Variants in EOLA2 observed in about 807,000 individuals in gnomAD.
EOLA2 encodes protein EOLA2.
Under a neutral mutation model 4.1 loss-of-function variants are expected in EOLA2, and 3 were observed. That is an observed-to-expected ratio of 0.73 (90% CI 0.33 to 1.89). EOLA2 has a LOEUF of 1.89. EOLA2 is among the 40% of genes most tolerant of loss of function. The pLI is 0.08. For missense variants in EOLA2, 109 were observed against 126.4 expected (o/e 0.86, Z 0.66); for synonymous variants, 52 against 51.7 (o/e 1.01, Z -0.03).
In EOLA2 at chrX:149,933,703, C is replaced by T; in HGVS notation, c.172G>A (p.Val58Met). The T allele has an allele frequency of 2.5e-6, 3 of 1,207,955 alleles. No individual in the cohort carries two copies. The highest frequency in any genetic ancestry group is 2.2e-6 in the Non-Finnish European group (2 of 894,871). ...GCAGGAGTCATCCCGAGTCTCTCCA[C>T]CAGCAGCTCCCGACAGGCATCGCCT... ...WEGDACRELLVERLGMTPAQI... is the reference protein window; with the variant it reads ...WEGDACRELLMERLGMTPAQI... Residue 58 changes from valine to methionine, a missense_variant, in exon 4 of 5, where the codon GTG (valine) becomes ATG (methionine). Val to Met is a conservative substitution (Grantham distance 21). Coordinates refer to ENST00000370406, the MANE Select transcript of EOLA2 (RefSeq NM_001013845.2).
Position 149,932,741 on chromosome X carries a change from G to A in EOLA2, c.280C>T (p.Gln94Ter). The change falls in exon 5 of 5, where the codon CAA becomes TAA. Residue 94 changes from glutamine to a stop codon, truncating the protein, a stop_gained. Coordinates refer to ENST00000370406, the MANE Select transcript of EOLA2 (RefSeq NM_001013845.2). LOFTEE classifies it low-confidence loss of function (END_TRUNC). ...TCGGGAGTTAAGTCTTCGGGGCATT[G>A]CAAAGTTTCCCCAATGTCAACGAGT... ...AGLVDIGETL[Q>*]CPEDLTPDEV... The A allele has an allele frequency of 8.3e-7, 1 of 1,204,496 alleles. No homozygotes were observed. Among genetic ancestry groups the A allele is most frequent in the Non-Finnish European group, 1.1e-6 (1 of 892,988 alleles).
chrX:149,933,809 A>G lies in EOLA2; in HGVS notation c.66T>C (p.Thr22=). ...YAGFVLNGIK[T]VETRWRPLLS... ...GCAGAGGACGCCAGCGCGTCTCCAC[A>G]GTCTTGATTCCATTTAAGACAAAGC... The change falls in exon 4 of 5, where the codon ACT becomes ACC. Residue 22 remains threonine (T), a synonymous_variant. Transcript: ENST00000370406. 2.5e-6 allele frequency: 3 copies of G among 1,206,242 alleles called. No individual in the cohort carries two copies. Among genetic ancestry groups the G allele is most frequent in the South Asian group, 1.8e-5 (1 of 56,521 alleles).
At chrX:149,934,939 G>C (rs1195746028) in intron 2 of EOLA2, among the ~76,000 whole-genome samples, 3 of 112,245 alleles carry the variant, frequency 2.7e-5, no homozygotes, top group Non-Finnish European at 5.6e-5. Context: ...CTGTGAGGAA[G>C]GGAGATAAGG....
At chrX:149,934,295 C>T (rs782294937) in intron 2 of EOLA2, 158 bp from the exon 3 acceptor site, 13 of 653,571 alleles carry the variant, frequency 2.0e-5, no homozygotes, top group African/African-American at 4.7e-5. Flanking sequence ...GACAGTCCCA[C>T]GCTCTGCTTC....
Position 149,932,780 on chromosome X carries a change from A to G in EOLA2, c.254-13T>C. On this transcript the variant is annotated splice_polypyrimidine_tract_variant and intron_variant, in intron 4 of 4. Coordinates refer to ENST00000370406, the MANE Select transcript of EOLA2 (RefSeq NM_001013845.2). Reference sequence around the variant, plus strand: ...ATGTCAACGAGTCCTGTACACAAAGAGAGATACACATGAATGCCTTTCACT... The same window carrying G: ...ATGTCAACGAGTCCTGTACACAAAGGGAGATACACATGAATGCCTTTCACT... The G allele has an allele frequency of 8.4e-7, 1 of 1,183,520 alleles. No homozygotes were observed. Among genetic ancestry groups the G allele is most frequent in the Non-Finnish European group, 1.1e-6 (1 of 881,039 alleles).
chrX:149,934,499 G>A (rs2090944990), intron 2 of EOLA2: 1 of 753,361 alleles, frequency 1.3e-6, no homozygotes, highest in East Asian at 1.5e-4. Flanking sequence ...CCACCCCTCT[G>A]GGTGCCACCT....
At position 149,933,799 on chromosome X, in the gene EOLA2, G is replaced by A. The variant is rs782405461; in HGVS notation, c.76C>T (p.Arg26Cys). 3.3e-6 allele frequency: 4 copies of A among 1,203,568 alleles called. No homozygotes were observed. The highest frequency in any genetic ancestry group is 2.2e-5 in the Admixed American group (1 of 45,870). ...TGGCTGCTCAGCAGAGGACGCCAGC[G>A]CGTCTCCACAGTCTTGATTCCATTT... ...VLNGIKTVET[R>C]WRPLLSSQRN... Residue 26 changes from arginine to cysteine, a missense_variant, in exon 4 of 5, where the codon CGC becomes TGC. Arg to Cys is a radical substitution (Grantham distance 180). Transcript: ENST00000370406.
chrX:149,934,088 A>G lies in EOLA2; in HGVS notation c.-113T>C. On this transcript the variant is annotated 5_prime_UTR_variant, in exon 3 of 5. It removes the in-frame stop codon of an upstream open reading frame in the 5' UTR. Transcript: ENST00000370406. ...GAAGGGGCTAGGATTCGGCTGACTC[A>G]GGTCCATCCCATGGAGTCTTTGGGG... is the stretch of plus-strand genomic sequence containing the variant. The G allele has an allele frequency of 9.3e-7, 1 of 1,075,299 alleles. No individual in the cohort carries two copies. Among genetic ancestry groups the G allele is most frequent in the Admixed American group, 3.9e-5 (1 of 25,743 alleles). The allele number at this position is 1,075,299 out of a possible 1,213,427, so 88.6% of individuals were successfully genotyped here.
chrX:149,937,792 A>G (rs1204937297), intron 1 of EOLA2, among the ~76,000 whole-genome samples: 2 of 112,774 alleles, frequency 1.8e-5, no homozygotes, highest in Admixed American at 1.9e-4. Flanking sequence ...TTCCCCTCCC[A>G]TTGTCATCGG....
At position 149,932,694 on chromosome X, in the gene EOLA2, A is replaced by T; in HGVS notation, c.327T>A (p.Asn109Lys). 1 of 1,207,864 alleles carries T rather than the reference A, an allele frequency of 8.3e-7. No individual in the cohort carries two copies. The highest frequency in any genetic ancestry group is 1.8e-5 in the African/African-American group (1 of 55,963). ...LTPDEVVELE[N>K]QAALTNLKQK... The stretch of plus-strand genomic sequence containing the variant: ...GCTTCAGGTTGGTCAGTGCAGCTTG[A>T]TTTTCTAGTTCCACAACCTCATCGG... The change falls in exon 5 of 5, where the codon AAT becomes AAA. Residue 109 changes from asparagine (N) to lysine (K), a missense_variant. Asn to Lys is a moderately conservative substitution (Grantham distance 94, BLOSUM62 0). Coordinates refer to ENST00000370406, the MANE Select transcript of EOLA2 (RefSeq NM_001013845.2).
chrX:149,937,101 C>A, intron 2 of EOLA2, among the ~76,000 whole-genome samples: 1 of 109,308 alleles, frequency 9.1e-6, no homozygotes, highest in Non-Finnish European at 1.9e-5. Flanking sequence ...CTCCACCAAC[C>A]CATCCATGGT....
In EOLA2 at chrX:149,933,850, G is replaced by A. The variant is rs781787334; in HGVS notation, c.25C>T (p.Arg9Trp). 8 of 1,201,808 alleles carry A rather than the reference G, an allele frequency of 6.7e-6. No homozygotes were observed. The South Asian group carries it at 7.1e-5, about 11-fold the overall frequency. MKFGCLSFRQPYAGFVLNG... is the reference protein window; with the variant it reads MKFGCLSFWQPYAGFVLNG... ...AAGACAAAGCCAGCATAAGGCTGCCGGAAGGAGAGGCAGCCAAACTTCATC... is the reference window on the plus strand; with the variant it reads ...AAGACAAAGCCAGCATAAGGCTGCCAGAAGGAGAGGCAGCCAAACTTCATC... The change falls in exon 4 of 5, where the codon CGG becomes TGG. Residue 9 changes from arginine to tryptophan, a missense_variant. By Grantham distance (101) the Arg-to-Trp change is moderately radical (BLOSUM62 -3). Transcript: ENST00000370406.
At chrX:149,930,832 C>T, downstream of EOLA2, 1 of 770,406 alleles carries the variant, frequency 1.3e-6, no homozygotes, top group Non-Finnish European at 1.6e-6. Flanking sequence ...CCTTCAGGCG[C>T]TCTGGCATGT....
chrX:149,934,868 G>C (rs2090954220), intron 2 of EOLA2, among the ~76,000 whole-genome samples: 1 of 112,400 alleles, frequency 8.9e-6, no homozygotes, highest in Non-Finnish European at 1.9e-5. Context: ...AGGAACCCTG[G>C]GCTTGAAACC....
chrX:149,933,077 C>A (rs2090906211), intron 4 of EOLA2, among the ~76,000 whole-genome samples: 1 of 106,998 alleles, frequency 9.3e-6, no homozygotes, highest in Admixed American at 9.9e-5. Context: ...ATTGGAAGGG[C>A]ACCAGCCACT....
Position 149,932,557 on chromosome X carries a change from C to T in EOLA2, c.464G>A (p.Gly155Glu), listed in dbSNP as rs62612596. 8.8e-3 allele frequency: 10,541 copies of T among 1,202,787 alleles called. 71 individuals carry two copies. The highest frequency in any genetic ancestry group is 9.4e-3 in the Non-Finnish European group (8,427 of 891,777). The change falls in exon 5 of 5, where the codon GGG becomes GAG. Residue 155 changes from glycine (G) to glutamate (E), a missense_variant. Transcript: ENST00000370406. The stretch of plus-strand genomic sequence containing the variant: ...AGCCCACACTTGTCACACTTCATGC[C>T]CCAAAGGGATCAGGTGCTCTGGGAT... The part of the protein sequence containing the change: ...VDIPEHLIPL[G>E]HEV
intron 1 of EOLA2, 129 bp from the exon 2 acceptor site, chrX:149,937,609 G>A (rs5945554): frequency 0.29 from 34,013 of 116,002 alleles, 4,871 homozygotes; most frequent in Non-Finnish European, 0.44. Context: ...GGTCCTAAGA[G>A]TAACACATGT....
At position 149,934,465 on chromosome X, in the gene EOLA2, G is replaced by A. The variant is rs1174131693; in HGVS notation, c.-162-328C>T. 12 of 739,212 alleles carry A rather than the reference G, an allele frequency of 1.6e-5. No homozygotes were observed. The East Asian group carries it at 1.9e-3, about 114-fold the overall frequency. 60.9% of individuals were successfully genotyped at this position (739,212 alleles called of 1,213,427 possible). On this transcript the variant is annotated intron_variant, in intron 2 of 4. Transcript: ENST00000370406. ...CTCAGGATGCACCGTGACCTCAGAT[G>A]GCCCTCAGTCAGACATCTCCTCTCC...
intron 1 of EOLA2, 25 bp from the exon 2 acceptor site, chrX:149,937,505 G>A: frequency 5.5e-6 from 3 of 546,629 alleles, no homozygotes; most frequent in Non-Finnish European, 6.7e-6. Flanking sequence ...AGATAAAGAG[G>A]AAAGGTCATT....
Sources: allele counts gnomAD v4.1 joint callset (sites outside exome capture counted in the v4.1 genomes callset), GRCh38; gene constraint gnomAD v4.1.1; transcripts MANE v1.5; gene names NCBI Gene and HGNC (gene_info 2026-07-23, HGNC 2026-07-21).